Variants in OR6C2 observed in about 807,000 individuals in gnomAD.
OR6C2 encodes olfactory receptor 6C2.
For synonymous variants in OR6C2, 146 were observed against 134.2 expected (o/e 1.09, Z -0.61); for missense variants, 435 against 365.8 (o/e 1.19, Z -1.54).
chr12:55,448,459 T>C (rs1871402161), intron 1 of OR6C2, among the ~76,000 whole-genome samples: 1 of 149,408 alleles, frequency 6.7e-6, no homozygotes, highest in Non-Finnish European at 1.5e-5. Context: ...ATTTTTTCAC[T>C]ATACCTGGTT....
chr12:55,449,310 ACT>A (rs1436957298), intron 1 of OR6C2, among the ~76,000 whole-genome samples: 7 of 152,002 alleles, frequency 4.6e-5, no homozygotes, highest in African/African-American at 1.7e-4. Flanking sequence ...AACTTTTAAA[ACT>A]CTGCTTTTTA....
chr12:55,444,829 A>G (rs1444004435), intron 1 of OR6C2, among the ~76,000 whole-genome samples: 4 of 152,158 alleles, frequency 2.6e-5, no homozygotes, highest in Non-Finnish European at 5.9e-5. Context: ...TAGTTCTTAA[A>G]CCAAAATCAA....
chr12:55,448,125 T>G (rs1592297237), intron 1 of OR6C2, among the ~76,000 whole-genome samples: 1 of 152,128 alleles, frequency 6.6e-6, no homozygotes, highest in Admixed American at 6.5e-5. Flanking sequence ...ATATACCTTT[T>G]GGCCACTCAT....
At chr12:55,446,164 C>G (rs1353111468) in intron 1 of OR6C2, among the ~76,000 whole-genome samples, 1 of 145,398 alleles carries the variant, frequency 6.9e-6, no homozygotes, top group African/African-American at 2.6e-5. Flanking sequence ...TTCTTTCTTT[C>G]GTGAGACGGA....
chr12:55,444,632 A>ATGCAC (rs985230914), intron 1 of OR6C2, among the ~76,000 whole-genome samples: 1 of 152,152 alleles, frequency 6.6e-6, no homozygotes, highest in Non-Finnish European at 1.5e-5. Context: ...GTTGCTCATG[A>ATGCAC]TGCACTGCAC....
chr12:55,448,665 A>AAAAAAG (rs1340486558), intron 1 of OR6C2, among the ~76,000 whole-genome samples: 2 of 147,010 alleles, frequency 1.4e-5, no homozygotes, highest in East Asian at 4.2e-4. Context: ...AAAAAGAAAG[A>AAAAAAG]AAAGAAAAGA....
intron 1 of OR6C2, among the ~76,000 whole-genome samples, chr12:55,448,671 A>G (rs1871413381): frequency 6.7e-6 from 1 of 148,942 alleles, no homozygotes; most frequent in South Asian, 2.1e-4. Context: ...AAAGAAAAGA[A>G]AAGAAAAAAG....
At chr12:55,448,642 G>A (rs114769789) in intron 1 of OR6C2, among the ~76,000 whole-genome samples, 1,688 of 17,514 alleles carry the variant, frequency 0.096, 69 homozygotes, top group African/African-American at 0.32. Flanking sequence ...TCCATTCACT[G>A]CAAAAAAAAA....
chr12:55,447,754 G>T (rs1871390124), intron 1 of OR6C2, among the ~76,000 whole-genome samples: 1 of 151,796 alleles, frequency 6.6e-6, no homozygotes, highest in African/African-American at 2.4e-5. Flanking sequence ...TGGACATTTG[G>T]GTTGTTTCCA....
rs1456096404 is a variant in OR6C2, at chr12:55,452,330, G to A, written c.117G>A (p.Gly39=). The A allele has an allele frequency of 6.2e-7, 1 of 1,613,338 alleles. No homozygotes were observed. The highest frequency in any genetic ancestry group is 2.2e-5 in the East Asian group (1 of 44,880). ...LFLTYMLSVT[G]NLTIITLTLV... The stretch of plus-strand genomic sequence containing the variant: ...TCACCTACATGTTGAGTGTAACAGG[G>A]AACCTGACTATTATCACCCTCACAT... Residue 39 remains glycine, a synonymous_variant, in exon 2 of 2, where the codon GGG becomes GGA. Transcript: ENST00000641202.
chr12:55,452,706 G>A lies in OR6C2; in HGVS notation c.493G>A (p.Glu165Lys), dbSNP rs140332483. The A allele has an allele frequency of 3.9e-5, 63 of 1,613,634 alleles. No homozygotes were observed. Among genetic ancestry groups the A allele is most frequent in the East Asian group, 3.1e-4 (14 of 44,888 alleles). The change falls in exon 2 of 2, where the codon GAA (glutamate) becomes AAA (lysine). Residue 165 changes from glutamate (E) to lysine (K), a missense_variant. Transcript: ENST00000641202. ...ACCACTTAGCTTAGGCCTCCAGCTCGAATTCTGTGACTCCAATGCCATTGA... is the reference window on the plus strand; with the variant it reads ...ACCACTTAGCTTAGGCCTCCAGCTCAAATTCTGTGACTCCAATGCCATTGA... ...VPPLSLGLQL[E>K]FCDSNAIDHF... is the part of the protein sequence containing the mutation.
At chr12:55,444,851 T>C (rs1871335283) in intron 1 of OR6C2, among the ~76,000 whole-genome samples, 1 of 152,184 alleles carries the variant, frequency 6.6e-6, no homozygotes, top group African/African-American at 2.4e-5. Context: ...GAAAAAGGCA[T>C]AGTAAATTAC....
rs1247787745 is a variant in OR6C2, at chr12:55,449,940, T to G, written c.-887-1387T>G. 6.6e-5 allele frequency among the ~76,000 whole-genome samples: 10 copies of G among 151,974 alleles called. No individual in the cohort carries two copies. In the South Asian group the frequency reaches 1.9e-3, roughly 28 times the overall value. On this transcript the variant is annotated intron_variant, in intron 1 of 1. Transcript: ENST00000641202. ...TCTGGCCTTTTGTCTAAGAATGTAC[T>G]AAAAATGATAGTGCAGTTTGAAACA...
At chr12:55,448,169 T>G (rs917709284) in intron 1 of OR6C2, among the ~76,000 whole-genome samples, 2 of 151,912 alleles carry the variant, frequency 1.3e-5, no homozygotes, top group Non-Finnish European at 2.9e-5. Context: ...ATTCAACTCT[T>G]TTGCCTGTTT....
At chr12:55,447,038 T>C (rs11171464) in intron 1 of OR6C2, among the ~76,000 whole-genome samples, 121,875 of 152,186 alleles carry the variant, frequency 0.8, 49,275 homozygotes, top group African/African-American at 0.9. Flanking sequence ...GATAGCCTAG[T>C]CTATTCACAA....
chr12:55,450,764 A>G (rs1871453175), intron 1 of OR6C2, among the ~76,000 whole-genome samples: 1 of 152,100 alleles, frequency 6.6e-6, no homozygotes, highest in Admixed American at 6.6e-5. Context: ...GAAAGAGGAG[A>G]CTAAAAAGAG....
At chr12:55,449,990 C>T (rs1229190269) in intron 1 of OR6C2, among the ~76,000 whole-genome samples, 1 of 151,876 alleles carries the variant, frequency 6.6e-6, no homozygotes, top group Non-Finnish European at 1.5e-5. Context: ...AACTTTGAAC[C>T]AACTGACAGG....
rs180909578 is a variant in OR6C2, at chr12:55,445,178, T to C, written c.-888+1019T>C. Among the ~76,000 whole-genome samples, 8 of 152,338 alleles carry C rather than the reference T, an allele frequency of 5.3e-5. No homozygotes were observed. In the East Asian group the frequency reaches 1.5e-3, roughly 29 times the overall value. ...ATGTGACAAGCTGACTGTGTCTTACTGGCCAGTATGCTCTGTTAGCATCTT... is the reference window on the plus strand; with the variant it reads ...ATGTGACAAGCTGACTGTGTCTTACCGGCCAGTATGCTCTGTTAGCATCTT... On this transcript the variant is annotated intron_variant, in intron 1 of 1. Coordinates refer to ENST00000641202, the MANE Select transcript of OR6C2 (RefSeq NM_054105.2).
At chr12:55,451,156 C>T (rs1871461206) in intron 1 of OR6C2, among the ~76,000 whole-genome samples, 171 bp from the exon 2 acceptor site, 1 of 151,862 alleles carries the variant, frequency 6.6e-6, no homozygotes, top group Non-Finnish European at 1.5e-5. Context: ...AGCATTTATC[C>T]TTTGAGTTAC....
Sources: allele counts gnomAD v4.1 joint callset (sites outside exome capture counted in the v4.1 genomes callset), GRCh38; gene constraint gnomAD v4.1.1; transcripts MANE v1.5; gene names NCBI Gene and HGNC (gene_info 2026-07-23, HGNC 2026-07-21).